ZFYVE28: variants seen among roughly 807,000 people sequenced by gnomAD.
ZFYVE28 encodes the protein zinc finger FYVE-type containing 28, also known as lateral signaling target protein 2 homolog.
Under a neutral mutation model 82.1 loss-of-function variants are expected in ZFYVE28, and 40 were observed. The ratio of observed to expected loss-of-function variants is 0.49; its 90% confidence interval spans 0.38 to 0.63. The LOEUF (loss-of-function observed/expected upper bound fraction) is 0.63, where lower values mean the gene tolerates loss of function less well. ZFYVE28 is among the 30% of genes least tolerant of loss of function. The pLI, the probability that ZFYVE28 is intolerant of heterozygous loss-of-function variation, is 0.00. For missense variants in ZFYVE28, 1,321 were observed against 1,242.1 expected (o/e 1.06, Z -0.96); for synonymous variants, 612 against 546.1 (o/e 1.12, Z -1.68).
intron 1 of ZFYVE28, among the ~76,000 whole-genome samples, chr4:2,379,655 C>T (rs1026515951): frequency 3.9e-5 from 6 of 152,348 alleles, no homozygotes; most frequent in African/African-American, 1.4e-4. Context: ...CCACCTCCCT[C>T]CTGTAATTTT....
At position 2,409,939 on chromosome 4, in the gene ZFYVE28, G is replaced by C. The variant is rs1366413364; in HGVS notation, c.39+8346C>G. On this transcript the variant is annotated intron_variant, in intron 1 of 12. Transcript: ENST00000290974. The surrounding 1 kb of genome is among the most constrained non-coding windows in gnomAD (Gnocchi z 4.4). Reference sequence around the variant, plus strand: ...GTGGCCACAGTCAGCGGGCCAGGCTGGCAGGGTGCTTTCCAAAGCCCCCAA... The same window carrying C: ...GTGGCCACAGTCAGCGGGCCAGGCTCGCAGGGTGCTTTCCAAAGCCCCCAA... Among the ~76,000 whole-genome samples, 1 of 152,230 alleles carries C rather than the reference G, an allele frequency of 6.6e-6. No homozygotes were observed. Among genetic ancestry groups the C allele is most frequent in the Non-Finnish European group, 1.5e-5 (1 of 68,036 alleles).
chr4:2,346,677 TG>T (rs1385839921), intron 2 of ZFYVE28, among the ~76,000 whole-genome samples: 1 of 152,188 alleles, frequency 6.6e-6, no homozygotes, highest in East Asian at 1.9e-4. Context: ...CAATGTCATT[TG>T]AAGGTATCTG....
intron 8 of ZFYVE28, chr4:2,295,762 C>A (rs1714460746): frequency 6.6e-6 from 1 of 152,402 alleles, no homozygotes; most frequent in African/African-American, 2.4e-5. Context: ...CCCCAGATTG[C>A]TCTCACAAAA....
At chr4:2,314,649 CCTTT>C (rs1417320904) in intron 7 of ZFYVE28, among the ~76,000 whole-genome samples, 15 of 152,080 alleles carry the variant, frequency 9.9e-5, no homozygotes, top group African/African-American at 3.4e-4. Flanking sequence ...TCCATTTACC[CCTTT>C]CTGTCTTTTC....
rs1716338013 is a variant in ZFYVE28, at chr4:2,305,051, C to G, written c.1289G>C (p.Trp430Ser). ...CTGCCCTTTCTCCTGGGGGTCGGCC[C>G]AGGTACTGCCTGCCCACCCAAATGG... Reference protein sequence around the residue: ...AGPFGWAGSTWADPQEKGQGG... With the variant: ...AGPFGWAGSTSADPQEKGQGG... Residue 430 changes from tryptophan (W) to serine (S), a missense_variant, in exon 8 of 13, where the codon TGG becomes TCG. Around this residue, in one of 2 missense-constraint regions of ZFYVE28, gnomAD observed 978 missense variants for 833.7 expected, o/e 1.17. Transcript: ENST00000290974. 4 of 1,611,888 alleles carry G rather than the reference C, an allele frequency of 2.5e-6. No homozygotes were observed. In the South Asian group the frequency reaches 4.4e-5, roughly 18 times the overall value.
In ZFYVE28 at chr4:2,320,788, C is replaced by T. The variant is rs980733902; in HGVS notation, c.702-517G>A. On this transcript the variant is annotated intron_variant, in intron 6 of 12. Coordinates refer to ENST00000290974, the MANE Select transcript of ZFYVE28 (RefSeq NM_020972.3). The surrounding 1 kb of genome is among the most constrained non-coding windows in gnomAD (Gnocchi z 5.1). ...CAAGCCACGAGACCAAAGCAGCCTC[C>T]CCTCATCCCCCACACAGGACCCACC... Among the ~76,000 whole-genome samples the T allele has an allele frequency of 6.6e-6, 1 of 152,192 alleles. No homozygotes were observed. The highest frequency in any genetic ancestry group is 2.4e-5 in the African/African-American group (1 of 41,446).
intron 6 of ZFYVE28, among the ~76,000 whole-genome samples, chr4:2,334,377 C>T (rs528191562): frequency 7.1e-4 from 108 of 152,062 alleles, no homozygotes; most frequent in African/African-American, 1.9e-3. Context: ...AAGGGGTGTT[C>T]GGCGCATCCT....
At chr4:2,415,163 CAACTT>C (rs926784882) in intron 1 of ZFYVE28, among the ~76,000 whole-genome samples, 3 of 152,202 alleles carry the variant, frequency 2.0e-5, no homozygotes, top group Admixed American at 6.5e-5. Context: ...TTCTTTTACT[CAACTT>C]AGGTAGCTAA....
In ZFYVE28 at chr4:2,394,003, G is replaced by T. The variant is rs1338747949; in HGVS notation, c.39+24282C>A. Among the ~76,000 whole-genome samples the T allele has an allele frequency of 1.3e-5, 2 of 152,206 alleles. No individual in the cohort carries two copies. Among genetic ancestry groups the T allele is most frequent in the African/African-American group, 4.8e-5 (2 of 41,454 alleles). ...CGTGCCTTCTGGAGGCTCCAGGGAAGAGTCTGTTTCCTTCCCTTTTCCAGC... is the reference window on the plus strand; with the variant it reads ...CGTGCCTTCTGGAGGCTCCAGGGAATAGTCTGTTTCCTTCCCTTTTCCAGC... On this transcript the variant is annotated intron_variant, in intron 1 of 12. Transcript: ENST00000290974. The surrounding 1 kb of genome is among the most constrained non-coding windows in gnomAD (Gnocchi z 4.0).
At position 2,372,022 on chromosome 4, in the gene ZFYVE28, G is replaced by T. The variant is rs957709789; in HGVS notation, c.40-17949C>A. On this transcript the variant is annotated intron_variant, in intron 1 of 12. Transcript: ENST00000290974. This position sits in a 1 kb window ranked among gnomAD's most constrained non-coding sequence, Gnocchi z 5.2. ...AGTGATGGAGCTGGGGGCTGGCAGG[G>T]GTGCAAGGCCATGCACGAGCCTCAG... 6.6e-6 allele frequency among the ~76,000 whole-genome samples: 1 copy of T among 152,230 alleles called. No homozygotes were observed. Among genetic ancestry groups the T allele is most frequent in the African/African-American group, 2.4e-5 (1 of 41,462 alleles).
chr4:2,290,831 C>T (rs111626600), intron 8 of ZFYVE28, among the ~76,000 whole-genome samples: 28 of 152,180 alleles, frequency 1.8e-4, no homozygotes, highest in African/African-American at 6.5e-4. Context: ...AATCTGGTCC[C>T]TCCTGGCCCA....
intron 1 of ZFYVE28, among the ~76,000 whole-genome samples, chr4:2,358,975 C>CTTT (rs34020284): frequency 1.5e-4 from 19 of 125,776 alleles, no homozygotes; most frequent in South Asian, 2.6e-4. Context: ...CCAATTTTTT[C>CTTT]TTTTTTTTTT....
intron 7 of ZFYVE28, among the ~76,000 whole-genome samples, chr4:2,311,152 A>C (rs1285163350): frequency 6.6e-6 from 1 of 152,098 alleles, no homozygotes; most frequent in Non-Finnish European, 1.5e-5. Context: ...CATCTATATT[A>C]TTAGTAATTT....
In ZFYVE28 at chr4:2,350,689, G is replaced by A. The variant is rs59158237; in HGVS notation, c.180+3244C>T. ...TTTCAGCCCCCACCCCCAACCTCCG[G>A]GGAGGGGAGAGGCACTGAAGAATTG... is the stretch of plus-strand genomic sequence containing the variant. On this transcript the variant is annotated intron_variant, in intron 2 of 12. Coordinates refer to ENST00000290974, the MANE Select transcript of ZFYVE28 (RefSeq NM_020972.3). Among the ~76,000 whole-genome samples the A allele has an allele frequency of 2.6e-3, 396 of 152,306 alleles. 13 individuals are homozygous for A. The East Asian group carries it at 0.066, about 25-fold the overall frequency.
In ZFYVE28 at chr4:2,362,684, C is replaced by G. The variant is rs77988299; in HGVS notation, c.40-8611G>C. 5.5e-3 allele frequency among the ~76,000 whole-genome samples: 845 copies of G among 152,276 alleles called. 6 individuals carry two copies. The highest frequency in any genetic ancestry group is 0.019 in the African/African-American group (809 of 41,564). On this transcript the variant is annotated intron_variant, in intron 1 of 12. Transcript: ENST00000290974. This position sits in a 1 kb window ranked among gnomAD's most constrained non-coding sequence, Gnocchi z 5.1. ...CCGGCAGCAGATCTGGGGCCCCAGACAGGCACACACTCCTGTGGTCCCAGG... is the reference window on the plus strand; with the variant it reads ...CCGGCAGCAGATCTGGGGCCCCAGAGAGGCACACACTCCTGTGGTCCCAGG...
At chr4:2,276,519 C>G (rs758036650) in intron 8 of ZFYVE28, among the ~76,000 whole-genome samples, 1 of 152,204 alleles carries the variant, frequency 6.6e-6, no homozygotes, top group African/African-American at 2.4e-5. Flanking sequence ...GATACTTGCA[C>G]GCCCACGTTC....
intron 2 of ZFYVE28, among the ~76,000 whole-genome samples, chr4:2,351,998 C>G (rs1056155585): frequency 1.3e-5 from 2 of 152,196 alleles, no homozygotes; most frequent in Admixed American, 1.3e-4. Flanking sequence ...TCCAGGACCC[C>G]CAGCGTATAT....
intron 1 of ZFYVE28, among the ~76,000 whole-genome samples, chr4:2,414,003 T>C (rs2108690721): frequency 6.6e-6 from 1 of 152,356 alleles, no homozygotes; most frequent in East Asian, 1.9e-4. Flanking sequence ...GCCTCATCTC[T>C]GCACTTCGGG....
chr4:2,323,106 T>C (rs1178128598), intron 6 of ZFYVE28, among the ~76,000 whole-genome samples: 1 of 152,214 alleles, frequency 6.6e-6, no homozygotes, highest in African/African-American at 2.4e-5. Flanking sequence ...TAATTCTATG[T>C]TTAACTTTTT....
Sources: allele counts gnomAD v4.1 joint callset (sites outside exome capture counted in the v4.1 genomes callset), GRCh38; gene constraint gnomAD v4.1.1; regional missense constraint gnomAD v4.1.1; non-coding constraint Gnocchi (gnomAD v3.1); transcripts MANE v1.5; gene names NCBI Gene and HGNC (gene_info 2026-07-23, HGNC 2026-07-21).